Variants in ADARB2 observed in about 807,000 individuals in gnomAD.
ADARB2 encodes inactive double-stranded RNA-specific editase B2.
A neutral mutation model predicts 62.2 loss-of-function variants in ADARB2; 25 were observed. That is an observed-to-expected ratio of 0.40 (90% CI 0.29 to 0.56). ADARB2 has a LOEUF of 0.56. Among genes scored for constraint, ADARB2 ranks in the 20% least tolerant of loss-of-function variants. The pLI is 0.43. For synonymous variants in ADARB2, 572 were observed against 500.8 expected (o/e 1.14, Z -1.90); for missense variants, 1,071 against 1,077.4 (o/e 0.99, Z 0.08).
At chr10:1,717,631 G>C (rs1835036904) in intron 1 of ADARB2, among the ~76,000 whole-genome samples, 1 of 150,752 alleles carries the variant, frequency 6.6e-6, no homozygotes. Context: ...AGTCTGGAGT[G>C]CAATGGCATG....
intron 1 of ADARB2, among the ~76,000 whole-genome samples, chr10:1,612,132 G>A (rs1295365854): frequency 6.6e-6 from 1 of 152,172 alleles, no homozygotes; most frequent in Non-Finnish European, 1.5e-5. Context: ...GGGCTGAGCC[G>A]AGGGGGCCGC....
chr10:1,537,409 C>A (rs552139419), intron 1 of ADARB2, among the ~76,000 whole-genome samples: 5 of 152,340 alleles, frequency 3.3e-5, no homozygotes, highest in African/African-American at 1.2e-4. Flanking sequence ...TGCAACAATT[C>A]CTCAAGGATC....
chr10:1,424,728 G>A (rs1475755463), intron 1 of ADARB2, among the ~76,000 whole-genome samples: 1 of 152,136 alleles, frequency 6.6e-6, no homozygotes, highest in Non-Finnish European at 1.5e-5. Context: ...TCCATGTGAT[G>A]GAACTCAACA....
chr10:1,450,131 C>T (rs923907567), intron 1 of ADARB2, among the ~76,000 whole-genome samples: 1 of 152,106 alleles, frequency 6.6e-6, no homozygotes, highest in Non-Finnish European at 1.5e-5. Flanking sequence ...TGGAGGCTCC[C>T]GTCGAGAGGG....
At chr10:1,593,906 C>T (rs1833299641) in intron 1 of ADARB2, among the ~76,000 whole-genome samples, 1 of 152,162 alleles carries the variant, frequency 6.6e-6, no homozygotes, top group Non-Finnish European at 1.5e-5. Context: ...ACATCTTCTG[C>T]CCGGCCCATC....
At chr10:1,717,301 C>T (rs1197124103) in intron 1 of ADARB2, among the ~76,000 whole-genome samples, 1 of 150,916 alleles carries the variant, frequency 6.6e-6, no homozygotes, top group African/African-American at 2.4e-5. Context: ...GCACAGGGAT[C>T]TGAGTCGGGG....
intron 1 of ADARB2, among the ~76,000 whole-genome samples, chr10:1,550,242 G>A (rs74624419): frequency 0.012 from 1,823 of 152,230 alleles, 16 homozygotes; most frequent in Middle Eastern, 0.034. Context: ...TCCTCTCTGG[G>A]CCTCTGATCG....
At chr10:1,504,018 G>A (rs1228480617) in intron 1 of ADARB2, among the ~76,000 whole-genome samples, 1 of 152,188 alleles carries the variant, frequency 6.6e-6, no homozygotes, top group East Asian at 1.9e-4. Flanking sequence ...GCTTAATACA[G>A]GCCAGAGAGT....
intron 3 of ADARB2, among the ~76,000 whole-genome samples, chr10:1,356,083 C>T (rs925278967): frequency 2.0e-5 from 3 of 152,136 alleles, no homozygotes; most frequent in African/African-American, 7.2e-5. Context: ...TGTGTAATGA[C>T]AATGAGTGAC....
intron 1 of ADARB2, among the ~76,000 whole-genome samples, chr10:1,643,701 C>G (rs928313659): frequency 6.6e-6 from 1 of 152,214 alleles, no homozygotes. Flanking sequence ...TTCATGACCA[C>G]AAAGGTCCCT....
intron 2 of ADARB2, among the ~76,000 whole-genome samples, chr10:1,368,067 C>A (rs1832328632): frequency 6.6e-6 from 1 of 152,132 alleles, no homozygotes; most frequent in Admixed American, 6.5e-5. Context: ...GCCCCGATTC[C>A]CATTTCCCTG....
At chr10:1,402,066 C>G (rs1041533700) in intron 1 of ADARB2, among the ~76,000 whole-genome samples, 1 of 152,186 alleles carries the variant, frequency 6.6e-6, no homozygotes, top group Non-Finnish European at 1.5e-5. Context: ...ACTTCTGTTC[C>G]ACGAGACAGA....
At chr10:1,353,693 G>C (rs2131845464) in intron 3 of ADARB2, among the ~76,000 whole-genome samples, 1 of 152,122 alleles carries the variant, frequency 6.6e-6, no homozygotes, top group South Asian at 2.1e-4. Context: ...AATTCCCCTG[G>C]GTAACCTTTC....
chr10:1,648,854 C>G (rs887259541), intron 1 of ADARB2, among the ~76,000 whole-genome samples: 1 of 152,130 alleles, frequency 6.6e-6, no homozygotes, highest in South Asian at 2.1e-4. Context: ...CCACTGTTCT[C>G]GAGGGGCAGT....
At chr10:1,544,192 C>T (rs532165011) in intron 1 of ADARB2, among the ~76,000 whole-genome samples, 1 of 152,266 alleles carries the variant, frequency 6.6e-6, no homozygotes, top group East Asian at 1.9e-4. Context: ...GAAAGCAACG[C>T]CAGGGTCTGG....
chr10:1,544,177 A>T (rs192209075), intron 1 of ADARB2, among the ~76,000 whole-genome samples: 1 of 152,164 alleles, frequency 6.6e-6, no homozygotes, highest in African/African-American at 2.4e-5. Flanking sequence ...TGTTATGTGA[A>T]TATTGAAAGC....
intron 6 of ADARB2, among the ~76,000 whole-genome samples, chr10:1,232,387 C>G (rs184985303): frequency 6.7e-5 from 10 of 148,706 alleles, no homozygotes; most frequent in Non-Finnish European, 1.3e-4. Flanking sequence ...GTGTGGTATG[C>G]GTGGTATGCA....
intron 4 of ADARB2, 85 bp from the exon 5 acceptor site, chr10:1,242,384 G>A (rs186735303): frequency 4.1e-5 from 58 of 1,425,146 alleles, no homozygotes; most frequent in Admixed American, 2.9e-4. Context: ...TCACAACAGC[G>A]GTTTCCCTGG....
intron 1 of ADARB2, among the ~76,000 whole-genome samples, chr10:1,510,060 T>A (rs1831903735): frequency 6.6e-6 from 1 of 150,786 alleles, no homozygotes. Flanking sequence ...TCTCTCTCTC[T>A]CACTCTTTCT....
Sources: gnomAD v4.1 joint callset for allele counts (sites outside exome capture counted in the v4.1 genomes callset) on GRCh38, gnomAD v4.1.1 for gene constraint, MANE v1.5 for transcripts, NCBI Gene and HGNC (gene_info 2026-07-23, HGNC 2026-07-21) for gene names.